Variants in ITGAE observed in about 807,000 individuals in gnomAD.
The protein encoded by ITGAE is integrin alpha-E.
In ITGAE, 99 loss-of-function variants were observed where a neutral mutation model predicts 136.5. The observed-to-expected ratio is 0.73, with a 90% confidence interval of 0.62 to 0.86. The LOEUF (loss-of-function observed/expected upper bound fraction) is 0.86. Among genes scored for constraint, ITGAE ranks in the 40% least tolerant of loss-of-function variants. The pLI is 0.00. For missense variants in ITGAE, 1,447 were observed against 1,515.3 expected (o/e 0.95, Z 0.75); for synonymous variants, 613 against 591.8 (o/e 1.04, Z -0.52).
intron 1 of ITGAE, among the ~76,000 whole-genome samples, chr17:3,797,393 CT>C (rs1216679300): frequency 1.3e-5 from 2 of 150,956 alleles, no homozygotes; most frequent in African/African-American, 4.9e-5. Flanking sequence ...TCTCGATCTC[CT>C]GACCTCATGA....
chr17:3,766,527 C>T (rs1357180234), intron 2 of ITGAE, among the ~76,000 whole-genome samples: 1 of 152,140 alleles, frequency 6.6e-6, no homozygotes, highest in African/African-American at 2.4e-5. Flanking sequence ...TGCAGCTGGG[C>T]TCAGTGTCTC....
rs536987371 is a variant in ITGAE, at chr17:3,771,413, C to T, written c.155+6127G>A. ...CAGCAGATGTGTCTGGAAGGGAGTG[C>T]GGGGCTTAGAGGGGGCCTAGGCGCC... On this transcript the variant is annotated intron_variant, in intron 2 of 30. Transcript: ENST00000263087. 7.9e-5 allele frequency among the ~76,000 whole-genome samples: 12 copies of T among 152,206 alleles called. No homozygotes were observed. The East Asian group carries it at 1.7e-3, about 22-fold the overall frequency.
chr17:3,734,208 C>A (rs1250289947), intron 21 of ITGAE, among the ~76,000 whole-genome samples: 1 of 150,848 alleles, frequency 6.6e-6, no homozygotes, highest in Non-Finnish European at 1.5e-5. Flanking sequence ...GTAGCTGGGA[C>A]TACAGGCACC....
In ITGAE at chr17:3,723,988, C is replaced by A. The variant is rs2051134753; in HGVS notation, c.3085-244G>T. On this transcript the variant is annotated intron_variant, in intron 26 of 30. Transcript: ENST00000263087. ...AGCCGGCTTTTCCGCACATATGGGG[C>A]TGCGGACGGCAGGAGACAGCGGCGG... 1 of 1,593,816 alleles carries A rather than the reference C, an allele frequency of 6.3e-7. No homozygotes were observed. The highest frequency in any genetic ancestry group is 1.7e-5 in the Admixed American group (1 of 59,100).
Position 3,801,182 on chromosome 17 carries a change from C to A in ITGAE, c.-38G>T, listed in dbSNP as rs375802935. 1.4e-5 allele frequency: 22 copies of A among 1,606,470 alleles called. No homozygotes were observed. The highest frequency in any genetic ancestry group is 2.2e-5 in the South Asian group (2 of 91,048). ...AGAGGCGGCTGTGTGGGAGCCGAGG[C>A]GAGTGCGACACATGGGCCGTGGCCC... On this transcript the variant is annotated 5_prime_UTR_variant, in exon 1 of 31. Transcript: ENST00000263087.
Position 3,746,806 on chromosome 17 carries a change from T to A in ITGAE, c.2156-879A>T, listed in dbSNP as rs375112145. On this transcript the variant is annotated intron_variant, in intron 17 of 30. Coordinates refer to ENST00000263087, the MANE Select transcript of ITGAE (RefSeq NM_002208.5). ...CGGGGTTTCACCGTGTTAGCCAGGATGGTCTCGATCTCCTGACCTCGTGAT... is the reference window on the plus strand; with the variant it reads ...CGGGGTTTCACCGTGTTAGCCAGGAAGGTCTCGATCTCCTGACCTCGTGAT... 4.3e-4 allele frequency among the ~76,000 whole-genome samples: 65 copies of A among 152,240 alleles called. No individual in the cohort carries two copies. In the South Asian group the frequency reaches 0.012, roughly 29 times the overall value.
intron 1 of ITGAE, among the ~76,000 whole-genome samples, chr17:3,800,214 G>A (rs964921921): frequency 1.3e-5 from 2 of 152,230 alleles, no homozygotes; most frequent in African/African-American, 4.8e-5. Flanking sequence ...TGCTTCCTGG[G>A]TGATCTGGCC....
At chr17:3,780,546 C>T (rs2052644067) in intron 1 of ITGAE, among the ~76,000 whole-genome samples, 1 of 152,172 alleles carries the variant, frequency 6.6e-6, no homozygotes, top group African/African-American at 2.4e-5. Context: ...GATCCGCCCA[C>T]CTCGGCCTCC....
intron 28 of ITGAE, among the ~76,000 whole-genome samples, chr17:3,721,087 C>T (rs970977774): frequency 6.6e-6 from 1 of 151,812 alleles, no homozygotes; most frequent in African/African-American, 2.4e-5. Flanking sequence ...CCCCACCACA[C>T]TGGGCTAATT....
intron 22 of ITGAE, among the ~76,000 whole-genome samples, chr17:3,732,089 C>CAAAA (rs1555519128): frequency 6.6e-6 from 1 of 150,956 alleles, no homozygotes; most frequent in Non-Finnish European, 1.5e-5. Flanking sequence ...AACAAACAAA[C>CAAAA]AAAAAAACTT....
chr17:3,730,155 A>G (rs553823213), intron 23 of ITGAE, among the ~76,000 whole-genome samples: 1 of 152,038 alleles, frequency 6.6e-6, no homozygotes, highest in Admixed American at 6.6e-5. Context: ...TGGGAGTCAG[A>G]TAAGAAAAGG....
In ITGAE at chr17:3,750,947, C is replaced by G. The variant is rs1351056542; in HGVS notation, c.1894-465G>C. ...GTGGGCTGGGAGTGGGATGGCAAGG[C>G]CTGAGCTGGGACCGCAGGGGTGGGG... On this transcript the variant is annotated intron_variant, in intron 15 of 30. Transcript: ENST00000263087. Among the ~76,000 whole-genome samples the G allele has an allele frequency of 6.7e-5, 10 of 149,880 alleles. No homozygotes were observed. In the East Asian group the frequency reaches 1.6e-3, roughly 24 times the overall value.
chr17:3,756,644 A>T (rs2052033666), intron 10 of ITGAE, among the ~76,000 whole-genome samples: 2 of 152,126 alleles, frequency 1.3e-5, no homozygotes, highest in Non-Finnish European at 1.5e-5. Context: ...ACCTCAGGTG[A>T]TCCACCGGCC....
intron 6 of ITGAE, 115 bp from the exon 7 acceptor site, chr17:3,760,402 G>A (rs961418787): frequency 3.3e-5 from 7 of 213,752 alleles, no homozygotes; most frequent in Non-Finnish European, 6.7e-5. Flanking sequence ...GTTCAGGGAA[G>A]AAGTTGGAGA....
At position 3,795,512 on chromosome 17, in the gene ITGAE, G is replaced by T. The variant is rs531227347; in HGVS notation, c.34+5599C>A. Among the ~76,000 whole-genome samples, 22 of 152,340 alleles carry T rather than the reference G, an allele frequency of 1.4e-4. No individual in the cohort carries two copies. In the East Asian group the frequency reaches 4.2e-3, roughly 29 times the overall value. On this transcript the variant is annotated intron_variant, in intron 1 of 30. Transcript: ENST00000263087. Reference sequence around the variant, plus strand: ...TCAGAGAGGGGTGTGGTTTGTGCATGGCCCGTCGGAAGATTGAATATTTGT... The same window carrying T: ...TCAGAGAGGGGTGTGGTTTGTGCATTGCCCGTCGGAAGATTGAATATTTGT...
At chr17:3,734,730 G>A in intron 21 of ITGAE, 87 bp downstream of exon 21, 1 of 1,523,962 alleles carries the variant, frequency 6.6e-7, no homozygotes, top group Non-Finnish European at 9.0e-7. Flanking sequence ...AGGCAGGGGT[G>A]CCAGTGAGGG....
chr17:3,776,524 C>CT (rs1330461388), intron 2 of ITGAE, among the ~76,000 whole-genome samples: 2 of 152,234 alleles, frequency 1.3e-5, no homozygotes, highest in Admixed American at 1.3e-4. Flanking sequence ...CCACTGAACC[C>CT]TGGCTGCCAG....
intron 28 of ITGAE, among the ~76,000 whole-genome samples, chr17:3,720,902 C>G (rs1039839614): frequency 6.6e-5 from 10 of 151,586 alleles, no homozygotes; most frequent in Non-Finnish European, 1.5e-4. Context: ...ACTTCTTTTC[C>G]CTTGTGCCAT....
At chr17:3,725,702 C>T (rs1490234361) in intron 26 of ITGAE, 2 of 1,575,180 alleles carry the variant, frequency 1.3e-6, no homozygotes, top group East Asian at 2.2e-5. Flanking sequence ...CTGCAAATGA[C>T]CGGCCTGATT....
Sources: allele counts gnomAD v4.1 joint callset (sites outside exome capture counted in the v4.1 genomes callset), GRCh38; gene constraint gnomAD v4.1.1; transcripts MANE v1.5; gene names NCBI Gene and HGNC (gene_info 2026-07-23, HGNC 2026-07-21).